The following CNTN6 variants were observed in gnomAD, a reference collection of about 807,000 sequenced individuals.
CNTN6 encodes the protein contactin-6.
In CNTN6, 137 loss-of-function variants were observed where a neutral mutation model predicts 122.8. The observed-to-expected ratio is 1.12, with a 90% CI of 0.97 to 1.29. The LOEUF is 1.29. Among genes scored for constraint, CNTN6 ranks in the 50% most tolerant of loss-of-function variants. The pLI is 0.00. For synonymous variants in CNTN6, 570 were observed against 426.0 expected (o/e 1.34, Z -4.16); for missense variants, 1,634 against 1,223.4 (o/e 1.34, Z -5.01).
At chr3:1,175,760 A>C (rs570206665) in intron 2 of CNTN6, among the ~76,000 whole-genome samples, 1 of 152,346 alleles carries the variant, frequency 6.6e-6, no homozygotes, top group South Asian at 2.1e-4. Context: ...CAGTCATAGA[A>C]ATCAAAGCCA....
intron 12 of CNTN6, among the ~76,000 whole-genome samples, chr3:1,365,350 CAAAT>C (rs1211287374): frequency 2.6e-5 from 4 of 152,034 alleles, no homozygotes; most frequent in Admixed American, 6.6e-5. Flanking sequence ...CTTATGGTAA[CAAAT>C]TATTATTTCT....
chr3:1,222,200 A>G (rs911764396), intron 3 of CNTN6, among the ~76,000 whole-genome samples: 1 of 152,152 alleles, frequency 6.6e-6, no homozygotes, highest in South Asian at 2.1e-4. Context: ...TCAGGGGAAG[A>G]TCCTTCACTT....
At chr3:1,231,511 CTTTGAG>C (rs2094352171) in intron 4 of CNTN6, among the ~76,000 whole-genome samples, 1 of 152,156 alleles carries the variant, frequency 6.6e-6, no homozygotes, top group African/African-American at 2.4e-5. Flanking sequence ...CAAAAGCACA[CTTTGAG>C]TTTATTTTAG....
At chr3:1,102,556 C>T (rs542828221) in intron 1 of CNTN6, among the ~76,000 whole-genome samples, 2 of 149,820 alleles carry the variant, frequency 1.3e-5, no homozygotes, top group South Asian at 2.1e-4. Flanking sequence ...CGGTGAAACC[C>T]CGTCTCTACT....
intron 1 of CNTN6, among the ~76,000 whole-genome samples, chr3:1,122,311 A>G (rs1207678612): frequency 2.1e-5 from 3 of 142,754 alleles, no homozygotes; most frequent in Non-Finnish European, 4.7e-5. Context: ...TAAATAAAGG[A>G]AAAAAAGGAA....
At chr3:1,292,901 T>TCACACA (rs139871808) in intron 5 of CNTN6, among the ~76,000 whole-genome samples, 1 of 151,138 alleles carries the variant, frequency 6.6e-6, no homozygotes, top group East Asian at 1.9e-4. Flanking sequence ...CATAAACATA[T>TCACACA]CACACACACA....
At chr3:1,217,348 C>A (rs2094143229) in intron 2 of CNTN6, among the ~76,000 whole-genome samples, 1 of 152,206 alleles carries the variant, frequency 6.6e-6, no homozygotes, top group South Asian at 2.1e-4. Flanking sequence ...ATTAGAGTTA[C>A]AGACTGGACT....
chr3:1,352,835 G>A (rs1258021875), intron 12 of CNTN6, among the ~76,000 whole-genome samples: 1 of 151,456 alleles, frequency 6.6e-6, no homozygotes, highest in Non-Finnish European at 1.5e-5. Flanking sequence ...ATGTATATAA[G>A]GCTACCAAAT....
At chr3:1,118,866 A>AC (rs2125050891) in intron 1 of CNTN6, among the ~76,000 whole-genome samples, 1 of 151,710 alleles carries the variant, frequency 6.6e-6, no homozygotes, top group South Asian at 2.1e-4. Flanking sequence ...TTAAAAAAAA[A>AC]AAAAACAAAC....
chr3:1,306,183 A>G (rs1022007518), intron 7 of CNTN6, among the ~76,000 whole-genome samples: 1 of 152,170 alleles, frequency 6.6e-6, no homozygotes, highest in African/African-American at 2.4e-5. Context: ...GCAGATAGAG[A>G]ACAGAATCTC....
At chr3:1,289,019 CA>C (rs1316282774) in intron 5 of CNTN6, among the ~76,000 whole-genome samples, 2 of 152,186 alleles carry the variant, frequency 1.3e-5, no homozygotes, top group Non-Finnish European at 2.9e-5. Flanking sequence ...GCTGACTCAT[CA>C]CAGGGAAAAT....
chr3:1,366,626 C>A (rs1708256870), intron 12 of CNTN6, among the ~76,000 whole-genome samples: 1 of 152,072 alleles, frequency 6.6e-6, no homozygotes, highest in African/African-American at 2.4e-5. Context: ...TCTTCCAGTC[C>A]CTGCAAGTGT....
chr3:1,177,858 T>G (rs1199036004), intron 2 of CNTN6, among the ~76,000 whole-genome samples: 4 of 151,754 alleles, frequency 2.6e-5, no homozygotes, highest in African/African-American at 9.7e-5. Flanking sequence ...CTGTCTTGAC[T>G]GGTGTTCACT....
At chr3:1,124,039 G>A (rs72995773) in intron 1 of CNTN6, among the ~76,000 whole-genome samples, 8,945 of 151,878 alleles carry the variant, frequency 0.059, 273 homozygotes, top group South Asian at 0.068. Context: ...GACAAATCCC[G>A]ATTGGCCATA....
intron 4 of CNTN6, among the ~76,000 whole-genome samples, chr3:1,259,920 A>G (rs911162536): frequency 3.3e-5 from 5 of 152,180 alleles, no homozygotes; most frequent in Admixed American, 1.3e-4. Context: ...TTAGAGGAAT[A>G]AAGAAATTCT....
intron 1 of CNTN6, among the ~76,000 whole-genome samples, chr3:1,129,800 A>G (rs1018021007): frequency 6.6e-6 from 1 of 152,078 alleles, no homozygotes; most frequent in Non-Finnish European, 1.5e-5. Context: ...ATGAATTTCT[A>G]TATATTTATC....
chr3:1,103,202 G>A (rs2091042196), intron 1 of CNTN6, among the ~76,000 whole-genome samples: 1 of 152,188 alleles, frequency 6.6e-6, no homozygotes, highest in Non-Finnish European at 1.5e-5. Flanking sequence ...CTTGTTTAAA[G>A]TGGAACATGA....
chr3:1,245,197 GATATATATATAT>G lies in CNTN6; in HGVS notation c.358+17232_358+17243del, dbSNP rs1217220571. Among the ~76,000 whole-genome samples, 69 of 20,206 alleles carry G rather than the reference GATATATATATAT, an allele frequency of 3.4e-3. 18 individuals carry two copies. The highest frequency in any genetic ancestry group is 0.028 in the Middle Eastern group (1 of 36). The allele number at this position is 20,206 out of a possible 152,430, so 13.3% of individuals were successfully genotyped here. On this transcript the variant is annotated intron_variant, in intron 4 of 22. Coordinates refer to ENST00000446702, the MANE Select transcript of CNTN6 (RefSeq NM_001289080.2). ...TCAACAAGTAGGGTAAAGAAAATGT[GATATATATATAT>G]ATATATATATATATATATATATATA...
intron 20 of CNTN6, among the ~76,000 whole-genome samples, chr3:1,397,986 C>A (rs1695191549): frequency 6.6e-6 from 1 of 152,048 alleles, no homozygotes; most frequent in South Asian, 2.1e-4. Flanking sequence ...CATTAGAATT[C>A]TGAGGGGCTA....
Sources: allele counts gnomAD v4.1 joint callset (sites outside exome capture counted in the v4.1 genomes callset), GRCh38; gene constraint gnomAD v4.1.1; transcripts MANE v1.5; gene names NCBI Gene and HGNC (gene_info 2026-07-23, HGNC 2026-07-21).